ANKS1A: variants seen among roughly 807,000 people sequenced by gnomAD.
ANKS1A encodes ankyrin repeat and SAM domain-containing protein 1A.
Under a neutral mutation model 120.3 loss-of-function variants are expected in ANKS1A, and 55 were observed. That is an observed-to-expected ratio of 0.46 (90% CI 0.37 to 0.57). The LOEUF (loss-of-function observed/expected upper bound fraction) is 0.57. Ranked by LOEUF, ANKS1A falls within the 20% of genes least tolerant of loss-of-function variation. The pLI is 0.00. For missense variants in ANKS1A, 1,123 were observed against 1,480.3 expected (o/e 0.76, Z 3.96); for synonymous variants, 590 against 604.7 (o/e 0.98, Z 0.36).
chr6:35,086,175 G>T lies in ANKS1A; in HGVS notation c.3303+239G>T. On this transcript the variant is annotated intron_variant, in intron 22 of 23. Coordinates refer to ENST00000360359, the MANE Select transcript of ANKS1A (RefSeq NM_015245.3). The surrounding 1 kb of genome is among the most constrained non-coding windows in gnomAD (Gnocchi z 5.1). ...CCTCCCTCGCTGGGCTCCCCCAAGGGCAAGGCCGTCAAGGGGCTGCAGAGA... is the reference window on the plus strand; with the variant it reads ...CCTCCCTCGCTGGGCTCCCCCAAGGTCAAGGCCGTCAAGGGGCTGCAGAGA... The T allele has an allele frequency of 9.5e-6, 12 of 1,259,648 alleles. No homozygotes were observed. In the South Asian group the frequency reaches 1.6e-4, roughly 17 times the overall value. The allele number at this position is 1,259,648 out of a possible 1,614,324, so 78.0% of individuals were successfully genotyped here.
intron 11 of ANKS1A, among the ~76,000 whole-genome samples, chr6:35,030,044 G>T (rs1774827543): frequency 6.6e-6 from 1 of 152,100 alleles, no homozygotes; most frequent in African/African-American, 2.4e-5. Flanking sequence ...CTAAAGCTTT[G>T]AGAGCTGAAA....
intron 1 of ANKS1A, among the ~76,000 whole-genome samples, chr6:34,925,291 T>G (rs2504162): frequency 0.3 from 46,345 of 152,078 alleles, 9,859 homozygotes; most frequent in East Asian, 0.58. Flanking sequence ...CCTTAAGTGG[T>G]GTCATTCCTC....
At position 34,985,051 on chromosome 6, in the gene ANKS1A, G is replaced by A. The variant is rs780381753; in HGVS notation, c.1013-31G>A. ...GAACCTGAGATTCTGCTCCCCTTCAGTGACTCTCTTGCCCTCCATCCTCCT... is the reference window on the plus strand; with the variant it reads ...GAACCTGAGATTCTGCTCCCCTTCAATGACTCTCTTGCCCTCCATCCTCCT... On this transcript the variant is annotated intron_variant, in intron 7 of 23. Coordinates refer to ENST00000360359, the MANE Select transcript of ANKS1A (RefSeq NM_015245.3). 3.1e-6 allele frequency: 5 copies of A among 1,592,674 alleles called. No individual in the cohort carries two copies. In the African/African-American group the frequency reaches 5.4e-5, roughly 17 times the overall value.
In ANKS1A at chr6:35,017,778, A is replaced by G. The variant is rs746927501; in HGVS notation, c.1729A>G (p.Ser577Gly). ...CCTCACAGGCCTGCCCACCACCAAC[A>G]GCCGCTCGCACCCTGAAACTTTGAC... ...GYLTGLPTTN[S>G]RSHPETLTHT... Residue 577 changes from serine to glycine, a missense_variant, in exon 11 of 24, where the codon AGC becomes GGC. Coordinates refer to ENST00000360359, the MANE Select transcript of ANKS1A (RefSeq NM_015245.3). 6.2e-7 allele frequency: 1 copy of G among 1,614,148 alleles called. No homozygotes were observed. Among genetic ancestry groups the G allele is most frequent in the Non-Finnish European group, 8.5e-7 (1 of 1,180,026 alleles).
intron 11 of ANKS1A, among the ~76,000 whole-genome samples, chr6:35,040,460 C>T (rs1196181454): frequency 1.3e-5 from 2 of 152,198 alleles, no homozygotes; most frequent in African/African-American, 4.8e-5. Context: ...CTCACTTATT[C>T]CCACTTCTGG....
intron 1 of ANKS1A, among the ~76,000 whole-genome samples, chr6:34,897,047 G>C (rs1246056547): frequency 1.3e-5 from 2 of 152,198 alleles, no homozygotes; most frequent in Non-Finnish European, 2.9e-5. Flanking sequence ...GAGACGCAAA[G>C]GTGGGAGAAT....
intron 11 of ANKS1A, among the ~76,000 whole-genome samples, chr6:35,030,205 T>C (rs760547574): frequency 9.9e-5 from 15 of 152,256 alleles, no homozygotes; most frequent in Non-Finnish European, 1.9e-4. Context: ...CAACCCAAAT[T>C]ATTGCAGCTT....
Position 34,892,109 on chromosome 6 carries a change from C to G in ANKS1A, c.197+2510C>G, listed in dbSNP as rs967662096. ...ATAAAGTGTGTTAACTCTCTATTCC[C>G]TAGAGTTAGAGAGCTGGCTCACCTT... is the stretch of plus-strand genomic sequence containing the variant. On this transcript the variant is annotated intron_variant, in intron 1 of 23. Transcript: ENST00000360359. Among the ~76,000 whole-genome samples, 15 of 152,308 alleles carry G rather than the reference C, an allele frequency of 9.8e-5. No individual in the cohort carries two copies. In the East Asian group the frequency reaches 2.5e-3, roughly 25 times the overall value.
At chr6:34,921,935 G>A (rs1352130342) in intron 1 of ANKS1A, among the ~76,000 whole-genome samples, 1 of 151,668 alleles carries the variant, frequency 6.6e-6, no homozygotes, top group Non-Finnish European at 1.5e-5. Context: ...GCCTCAAGCA[G>A]TTTTCCTGCC....
rs1247094102 is a variant in ANKS1A, at chr6:35,079,416, C to T, written c.2284-100C>T. ...CTGAGGACCCCAAACACAGAGGGCC[C>T]CCTGGCCACAGTCTGTGTGAGCTGG... On this transcript the variant is annotated intron_variant, in intron 14 of 23. Coordinates refer to ENST00000360359, the MANE Select transcript of ANKS1A (RefSeq NM_015245.3). 1.7e-5 allele frequency: 25 copies of T among 1,485,098 alleles called. 1 individual carries two copies. The South Asian group carries it at 2.8e-4, about 17-fold the overall frequency. The allele number at this position is 1,485,098 out of a possible 1,614,324, so 92.0% of individuals were successfully genotyped here. A position where few individuals can be genotyped will look rare whatever the true frequency, so the allele number is the denominator to read the frequency against.
intron 3 of ANKS1A, among the ~76,000 whole-genome samples, chr6:34,974,539 T>A (rs1771459044): frequency 6.6e-6 from 1 of 152,010 alleles, no homozygotes; most frequent in Admixed American, 6.6e-5. Flanking sequence ...AGGAAGATAC[T>A]CTTATCTTAG....
At chr6:35,066,131 CTACT>C (rs1414091399) in intron 13 of ANKS1A, among the ~76,000 whole-genome samples, 5 of 152,184 alleles carry the variant, frequency 3.3e-5, no homozygotes, top group African/African-American at 7.2e-5. Context: ...TTCATTTGAC[CTACT>C]TACTTCATGA....
At chr6:35,020,630 C>T (rs1774287467) in intron 11 of ANKS1A, among the ~76,000 whole-genome samples, 3 of 152,202 alleles carry the variant, frequency 2.0e-5, no homozygotes, top group Admixed American at 6.5e-5. Context: ...ATATTTATGT[C>T]CTGTTAACAT....
intron 23 of ANKS1A, 103 bp from the exon 24 acceptor site, chr6:35,088,503 G>A: frequency 1.3e-6 from 2 of 1,483,622 alleles, no homozygotes; most frequent in Non-Finnish European, 1.9e-6. Context: ...GGGAGGCTGT[G>A]AGGGATCGTC....
chr6:34,986,172 G>C (rs1280459314), intron 8 of ANKS1A, among the ~76,000 whole-genome samples: 1 of 152,128 alleles, frequency 6.6e-6, no homozygotes, highest in Non-Finnish European at 1.5e-5. Flanking sequence ...AAAACAGAAT[G>C]GTTTTGTGAG....
intron 3 of ANKS1A, among the ~76,000 whole-genome samples, chr6:34,979,252 A>C (rs1403370345): frequency 6.6e-6 from 1 of 152,178 alleles, no homozygotes; most frequent in East Asian, 1.9e-4. Context: ...TTTGAGAATC[A>C]CTGATAGTTC....
chr6:34,896,156 G>C (rs1483255150), intron 1 of ANKS1A, among the ~76,000 whole-genome samples: 1 of 149,662 alleles, frequency 6.7e-6, no homozygotes, highest in East Asian at 2.0e-4. Flanking sequence ...TGCAACCTCT[G>C]CCTCTCAGGT....
At chr6:35,031,672 T>C (rs1027573281) in intron 11 of ANKS1A, among the ~76,000 whole-genome samples, 5 of 152,170 alleles carry the variant, frequency 3.3e-5, no homozygotes, top group African/African-American at 1.2e-4. Context: ...CTCTAGCTCA[T>C]CTTACTTGTG....
In ANKS1A at chr6:35,084,127, A is replaced by T. The variant is rs754172465; in HGVS notation, c.3001A>T (p.Ile1001Phe). Residue 1001 changes from isoleucine (I) to phenylalanine (F), a missense_variant, in exon 21 of 24, where the codon ATT becomes TTT. This residue lies in a region of ANKS1A where 904 missense variants were observed against 1,130.4 expected (regional missense o/e 0.80). Coordinates refer to ENST00000360359, the MANE Select transcript of ANKS1A (RefSeq NM_015245.3). The surrounding 1 kb of genome is among the most constrained non-coding windows in gnomAD (Gnocchi z 4.8). ...KFIDASNKNV[I>F]AEHEIRNISC... ...ACACGGCTTTCCCCAGCAGAACGTCATTGCAGAGCACGAGATCCGGAACAT... is the reference window on the plus strand; with the variant it reads ...ACACGGCTTTCCCCAGCAGAACGTCTTTGCAGAGCACGAGATCCGGAACAT... The T allele has an allele frequency of 1.4e-5, 23 of 1,614,168 alleles. No homozygotes were observed. Among genetic ancestry groups the T allele is most frequent in the Non-Finnish European group, 1.9e-5 (23 of 1,180,008 alleles).
Sources: gnomAD v4.1 joint callset for allele counts (sites outside exome capture counted in the v4.1 genomes callset) on GRCh38, gnomAD v4.1.1 for gene constraint, gnomAD v4.1.1 regional missense constraint, Gnocchi (gnomAD v3.1) non-coding constraint, MANE v1.5 for transcripts, NCBI Gene and HGNC (gene_info 2026-07-23, HGNC 2026-07-21) for gene names.